Variants in TAOK3 observed in about 807,000 individuals in gnomAD.
The protein encoded by TAOK3 is TAO kinase 3, also known as serine/threonine-protein kinase TAO3.
Under a neutral mutation model 120.4 loss-of-function variants are expected in TAOK3, and 40 were observed. The ratio of observed to expected loss-of-function variants is 0.33; its 90% CI spans 0.26 to 0.43. The LOEUF is 0.43. TAOK3 is among the 20% of genes least tolerant of loss of function. The pLI is 1.00. For synonymous variants in TAOK3, 355 were observed against 387.5 expected (o/e 0.92, Z 0.99); for missense variants, 821 against 1,112.1 (o/e 0.74, Z 3.72).
Position 118,251,825 on chromosome 12 carries a change from C to CTT in TAOK3, c.120+3621_120+3622dup, listed in dbSNP as rs761219744. On this transcript the variant is annotated intron_variant, in intron 3 of 20. Coordinates refer to ENST00000392533, the MANE Select transcript of TAOK3 (RefSeq NM_016281.4). ...TAGCACTTTAAGAAGGGTTTGGCTG[C>CTT]TTTTTTTTTTTTTTGAGACAGAGTC... Among the ~76,000 whole-genome samples, 44 of 142,246 alleles carry CTT rather than the reference C, an allele frequency of 3.1e-4. No homozygotes were observed. In the East Asian group the frequency reaches 3.2e-3, roughly 11 times the overall value. 93.3% of individuals were successfully genotyped at this position (142,246 alleles called of 152,430 possible). A position where few individuals can be genotyped will look rare whatever the true frequency, so the allele number is the denominator to read the frequency against.
At chr12:118,224,947 A>C (rs1277739410) in intron 9 of TAOK3, among the ~76,000 whole-genome samples, 1 of 152,062 alleles carries the variant, frequency 6.6e-6, no homozygotes, top group Non-Finnish European at 1.5e-5. Flanking sequence ...TGTAATTTCG[A>C]TGTTAAAAGT....
chr12:118,301,539 GTAA>G (rs1425095045), intron 1 of TAOK3, among the ~76,000 whole-genome samples: 1 of 152,026 alleles, frequency 6.6e-6, no homozygotes, highest in East Asian at 1.9e-4. Flanking sequence ...AAAGCCTGAA[GTAA>G]TGGTCAAAAT....
intron 1 of TAOK3, among the ~76,000 whole-genome samples, chr12:118,333,892 T>G (rs896610802): frequency 6.6e-6 from 1 of 151,404 alleles, no homozygotes. Context: ...TCCCAGCACT[T>G]TGGGAGGCCG....
At chr12:118,338,988 A>G (rs2044486920) in intron 1 of TAOK3, among the ~76,000 whole-genome samples, 1 of 151,716 alleles carries the variant, frequency 6.6e-6, no homozygotes, top group South Asian at 2.1e-4. Context: ...AGCATTGCGT[A>G]CCCTGGGACC....
intron 1 of TAOK3, among the ~76,000 whole-genome samples, chr12:118,340,438 T>C (rs897782925): frequency 1.3e-5 from 2 of 152,182 alleles, no homozygotes; most frequent in Non-Finnish European, 1.5e-5. Context: ...ATAAGGAATA[T>C]GGATTATGAG....
chr12:118,232,118 T>C (rs2039810054), intron 9 of TAOK3, among the ~76,000 whole-genome samples: 4 of 152,220 alleles, frequency 2.6e-5, no homozygotes, highest in Admixed American at 2.6e-4. Context: ...GCATTGGCTA[T>C]AGTAAGAGTA....
intron 3 of TAOK3, among the ~76,000 whole-genome samples, chr12:118,248,715 A>T (rs1161286015): frequency 6.6e-6 from 1 of 152,148 alleles, no homozygotes; most frequent in East Asian, 1.9e-4. Flanking sequence ...TTTATAATTA[A>T]TGCTATATTT....
intron 9 of TAOK3, among the ~76,000 whole-genome samples, chr12:118,218,069 C>G (rs942842825): frequency 1.5e-4 from 22 of 150,878 alleles, no homozygotes; most frequent in African/African-American, 5.4e-4. Context: ...ACCATATTAG[C>G]CAGGATGGTC....
intron 1 of TAOK3, among the ~76,000 whole-genome samples, chr12:118,322,645 C>T (rs543808878): frequency 2.0e-5 from 3 of 149,370 alleles, no homozygotes; most frequent in African/African-American, 4.9e-5. Flanking sequence ...ATTTGAATTT[C>T]GTATAATTTT....
chr12:118,172,462 G>C lies in TAOK3; in HGVS notation c.1894C>G (p.Arg632Gly), dbSNP rs1395022259. 1 of 1,614,064 alleles carries C rather than the reference G, an allele frequency of 6.2e-7. No individual in the cohort carries two copies. The highest frequency in any genetic ancestry group is 8.5e-7 in the Non-Finnish European group (1 of 1,179,960). ...GTTACGAGCGTAATAAATACCTCCC[G>C]AATGTTCTGCTGCTCCACCTCGTGC... ...KRHEVEQQNI[R>G]EELNKKRTQK... Residue 632 changes from arginine to glycine, a missense_variant, in exon 17 of 21, where the codon CGG becomes GGG. Physicochemically the swap from Arg to Gly is moderately radical, Grantham distance 125. This residue lies in a region of TAOK3 where 354 missense variants were observed against 572.1 expected (regional missense o/e 0.62). Transcript: ENST00000392533.
intron 1 of TAOK3, among the ~76,000 whole-genome samples, chr12:118,357,773 C>G (rs932477289): frequency 2.6e-5 from 4 of 152,114 alleles, no homozygotes; most frequent in Non-Finnish European, 5.9e-5. Flanking sequence ...AAAGGCCTCT[C>G]AATGAAAGCT....
chr12:118,267,447 T>C (rs1465557571), intron 1 of TAOK3, among the ~76,000 whole-genome samples: 4 of 150,880 alleles, frequency 2.7e-5, no homozygotes, highest in Non-Finnish European at 1.5e-5. Flanking sequence ...CCTCCTGACC[T>C]CAAGTGATCC....
intron 13 of TAOK3, among the ~76,000 whole-genome samples, chr12:118,192,288 G>A (rs2037474992): frequency 6.6e-6 from 1 of 152,142 alleles, no homozygotes; most frequent in South Asian, 2.1e-4. Context: ...AGTAACTCAA[G>A]TATATTTTTA....
At chr12:118,217,793 A>ATGTG (rs1565963277) in intron 9 of TAOK3, among the ~76,000 whole-genome samples, 13 of 85,034 alleles carry the variant, frequency 1.5e-4, no homozygotes, top group South Asian at 4.0e-4. Flanking sequence ...ATATGTATGT[A>ATGTG]TGTATGTGTG....
At chr12:118,293,475 G>A (rs1431087581) in intron 1 of TAOK3, among the ~76,000 whole-genome samples, 2 of 150,460 alleles carry the variant, frequency 1.3e-5, no homozygotes, top group Non-Finnish European at 3.0e-5. Flanking sequence ...TCAGGAGTTC[G>A]AGACCAGCCT....
intron 1 of TAOK3, among the ~76,000 whole-genome samples, chr12:118,279,206 T>G (rs1279805819): frequency 6.6e-6 from 1 of 152,216 alleles, no homozygotes; most frequent in Non-Finnish European, 1.5e-5. Flanking sequence ...GTATGCTTGT[T>G]GGTTGTGTGC....
At chr12:118,156,906 AT>A (rs916481217) in intron 19 of TAOK3, among the ~76,000 whole-genome samples, 1 of 151,770 alleles carries the variant, frequency 6.6e-6, no homozygotes, top group African/African-American at 2.4e-5. Context: ...AGCCCAACTG[AT>A]TTTTGTATTT....
chr12:118,255,739 C>G (rs576570701), intron 2 of TAOK3, 84 bp from the exon 3 acceptor site: 28 of 629,172 alleles, frequency 4.5e-5, no homozygotes, highest in Middle Eastern at 7.4e-4. Flanking sequence ...ATATTAAAAG[C>G]CTCTTGGTCT....
chr12:118,212,854 T>C lies in TAOK3; in HGVS notation c.819+60A>G, dbSNP rs1003847667. On this transcript the variant is annotated intron_variant, in intron 11 of 20. Coordinates refer to ENST00000392533, the MANE Select transcript of TAOK3 (RefSeq NM_016281.4). ...ATGAGCTGCCACAGGAATGATTTAT[T>C]ATATTCCATTATAACATGACTTTAA... The C allele has an allele frequency of 3.4e-6, 4 of 1,185,226 alleles. No individual in the cohort carries two copies. In the African/African-American group the frequency reaches 6.1e-5, roughly 18 times the overall value. The allele number at this position is 1,185,226 out of a possible 1,614,324, so 73.4% of individuals were successfully genotyped here. A position where few individuals can be genotyped will look rare whatever the true frequency, so the allele number is the denominator to read the frequency against.
Sources: allele counts gnomAD v4.1 joint callset (sites outside exome capture counted in the v4.1 genomes callset), GRCh38; gene constraint gnomAD v4.1.1; regional missense constraint gnomAD v4.1.1; transcripts MANE v1.5; gene names NCBI Gene and HGNC (gene_info 2026-07-23, HGNC 2026-07-21).